ZNF341: variants seen among roughly 807,000 people sequenced by gnomAD.
ZNF341 encodes zinc finger protein 341.
In ZNF341, 52 loss-of-function variants were observed where a neutral mutation model predicts 87.7. That is an observed-to-expected ratio of 0.59 (90% CI 0.47 to 0.75). The LOEUF (loss-of-function observed/expected upper bound fraction) is 0.75. Among genes scored for constraint, ZNF341 ranks in the 30% least tolerant of loss-of-function variants. The pLI is 0.00. For synonymous variants in ZNF341, 459 were observed against 472.7 expected (o/e 0.97, Z 0.38); for missense variants, 977 against 1,145.9 (o/e 0.85, Z 2.13).
intron 5 of ZNF341, among the ~76,000 whole-genome samples, chr20:33,753,853 A>G (rs2019113804): frequency 6.6e-6 from 1 of 152,190 alleles, no homozygotes; most frequent in Non-Finnish European, 1.5e-5. Flanking sequence ...GCATATACCA[A>G]AAGTGTTTAT....
chr20:33,775,670 G>C (rs1009388977), intron 10 of ZNF341, among the ~76,000 whole-genome samples: 27 of 152,002 alleles, frequency 1.8e-4, no homozygotes, highest in African/African-American at 6.5e-4. Context: ...AGTGTTCTTT[G>C]TAAACCTCTT....
At chr20:33,737,077 G>C (rs1178232683) in intron 1 of ZNF341, among the ~76,000 whole-genome samples, 1 of 152,212 alleles carries the variant, frequency 6.6e-6, no homozygotes, top group Non-Finnish European at 1.5e-5. Context: ...GGGAGTGGCA[G>C]GTGCTGCCAG....
intron 11 of ZNF341, among the ~76,000 whole-genome samples, chr20:33,783,519 C>T (rs944762787): frequency 2.6e-5 from 4 of 152,086 alleles, no homozygotes; most frequent in Admixed American, 6.6e-5. Flanking sequence ...GAAGAACATC[C>T]GGGCAAAAGC....
intron 12 of ZNF341, 23 bp downstream of exon 12, chr20:33,783,887 C>G (rs776994279): frequency 1.9e-6 from 3 of 1,606,362 alleles, no homozygotes; most frequent in Non-Finnish European, 2.6e-6. Context: ...CCCCTGAGAA[C>G]TCCAGCCCAG....
At chr20:33,751,634 T>G (rs1226381031) in intron 4 of ZNF341, among the ~76,000 whole-genome samples, 1 of 152,070 alleles carries the variant, frequency 6.6e-6, no homozygotes, top group Non-Finnish European at 1.5e-5. Flanking sequence ...AGTGCAGTGG[T>G]GCAATTTCGG....
intron 10 of ZNF341, among the ~76,000 whole-genome samples, chr20:33,774,543 A>G (rs2019593389): frequency 6.6e-6 from 1 of 152,220 alleles, no homozygotes; most frequent in South Asian, 2.1e-4. Flanking sequence ...GAGTCAGGTG[A>G]TGCCAAATAG....
chr20:33,752,863 G>T (rs992000755), intron 4 of ZNF341, among the ~76,000 whole-genome samples: 11 of 151,810 alleles, frequency 7.2e-5, no homozygotes, highest in Admixed American at 3.9e-4. Flanking sequence ...ATTAGCCAAG[G>T]TTGTCTCGAT....
chr20:33,789,239 C>T (rs374529829), intron 13 of ZNF341, among the ~76,000 whole-genome samples: 6 of 152,116 alleles, frequency 3.9e-5, no homozygotes, highest in Non-Finnish European at 7.4e-5. Context: ...GATGGAGTTT[C>T]GCCATGTTGC....
Position 33,791,314 on chromosome 20 carries a change from G to T in ZNF341, c.2362G>T (p.Val788Phe). Residue 788 changes from valine (V) to phenylalanine (F), a missense_variant, in exon 15 of 15, where the codon GTC becomes TTC. Physicochemically the swap from Val to Phe is conservative, Grantham distance 50. This residue lies in a region of ZNF341 where 221 missense variants were observed against 212.7 expected (regional missense o/e 1.04). Coordinates refer to ENST00000375200, the MANE Select transcript of ZNF341 (RefSeq NM_001282933.2). ...AGGGGCTGGGCTGGTGCCCGAGGCT[G>T]TCCCCGGCAAGCCGCCCTTCGCAGA... ...DTGAGLVPEA[V>F]PGKPPFAEPD... The T allele has an allele frequency of 6.2e-7, 1 of 1,611,618 alleles. No homozygotes were observed. Among genetic ancestry groups the T allele is most frequent in the Non-Finnish European group, 8.5e-7 (1 of 1,179,468 alleles).
intron 13 of ZNF341, 106 bp from the exon 14 acceptor site, chr20:33,789,412 C>G: frequency 8.4e-7 from 1 of 1,193,220 alleles, no homozygotes; most frequent in Non-Finnish European, 1.2e-6. Context: ...CTTGCCCAGC[C>G]CTTAGGGTGG....
intron 9 of ZNF341, among the ~76,000 whole-genome samples, chr20:33,769,063 C>T (rs1237491079): frequency 6.6e-6 from 1 of 152,108 alleles, no homozygotes; most frequent in African/African-American, 2.4e-5. Context: ...TGCAAGACAA[C>T]AAAACCTGTG....
rs1310131535 is a variant in ZNF341 at position 33,732,732 on chromosome 20, G to A, written c.31+680G>A. On this transcript the variant is annotated intron_variant, in intron 1 of 14. Coordinates refer to ENST00000375200, the MANE Select transcript of ZNF341 (RefSeq NM_001282933.2). This position sits in a 1 kb window ranked among gnomAD's most constrained non-coding sequence, Gnocchi z 4.5. ...AGACCCAGGCCAGCAAACGCTGGGT[G>A]CCGACAGACTGTTCCGTGCTCTGCA... Among the ~76,000 whole-genome samples the A allele has an allele frequency of 6.6e-6, 1 of 152,238 alleles. No individual in the cohort carries two copies. The highest frequency in any genetic ancestry group is 2.4e-5 in the African/African-American group (1 of 41,454).
Position 33,791,389 on chromosome 20 carries a change from A to C in ZNF341, c.2437A>C (p.Thr813Pro), listed in dbSNP as rs17090763. 16,644 of 1,612,614 alleles carry C rather than the reference A, an allele frequency of 0.01. 1,333 individuals are homozygous for C. The African/African-American group carries it at 0.18, about 18-fold the overall frequency. The change falls in exon 15 of 15, where the codon ACT becomes CCT. Residue 813 changes from threonine to proline, a missense_variant. By Grantham distance (38) the Thr-to-Pro change is conservative. This residue lies in a region of ZNF341 where 221 missense variants were observed against 212.7 expected (regional missense o/e 1.04). Coordinates refer to ENST00000375200, the MANE Select transcript of ZNF341 (RefSeq NM_001282933.2). Reference protein sequence around the residue: ...IVVGGAVGAETELVVPGHAEG... With the variant: ...IVVGGAVGAEPELVVPGHAEG... ...TGTGGGTGGTGCGGTGGGCGCGGAA[A>C]CTGAGCTGGTGGTACCTGGACACGC... is the stretch of plus-strand genomic sequence containing the variant.
chr20:33,791,648 T>A lies in ZNF341; in HGVS notation c.*131T>A. The A allele has an allele frequency of 1.8e-6, 2 of 1,090,096 alleles. No individual in the cohort carries two copies. Among genetic ancestry groups the A allele is most frequent in the Non-Finnish European group, 2.5e-6 (2 of 792,576 alleles). The allele number at this position is 1,090,096 out of a possible 1,614,324, so 67.5% of individuals were successfully genotyped here. On this transcript the variant is annotated 3_prime_UTR_variant, in exon 15 of 15. Transcript: ENST00000375200. ...CCATTGGCAGAAATCCTGCTGAATG[T>A]CATTCAGAAACCTCAGCCCATGGTC...
At chr20:33,790,944 G>A (rs754461474) in intron 14 of ZNF341, 44 bp from the exon 15 acceptor site, 1 of 1,572,360 alleles carries the variant, frequency 6.4e-7, no homozygotes, top group Non-Finnish European at 8.6e-7. Context: ...CTGTTGCGGG[G>A]TGAAGGTCTG....
Position 33,781,400 on chromosome 20 carries a change from G to A in ZNF341, c.1719+13G>A. 1 of 1,612,892 alleles carries A rather than the reference G, an allele frequency of 6.2e-7. No homozygotes were observed. The highest frequency in any genetic ancestry group is 1.3e-5 in the African/African-American group (1 of 75,014). Reference sequence around the variant, plus strand: ...ACACTGCCAGAAGGTGGGTGCCACTGTCCTCTTTTCTGGGGCCTAGGCTAT... The same window carrying A: ...ACACTGCCAGAAGGTGGGTGCCACTATCCTCTTTTCTGGGGCCTAGGCTAT... On this transcript the variant is annotated intron_variant, in intron 11 of 14. Coordinates refer to ENST00000375200, the MANE Select transcript of ZNF341 (RefSeq NM_001282933.2).
intron 12 of ZNF341, among the ~76,000 whole-genome samples, 196 bp downstream of exon 12, chr20:33,784,060 C>G: frequency 7.6e-6 from 1 of 131,702 alleles, no homozygotes; most frequent in South Asian, 2.8e-4. Flanking sequence ...CCGTCTCCCT[C>G]CTCCTCCCCA....
chr20:33,781,521 C>A, intron 11 of ZNF341, 134 bp downstream of exon 11: 1 of 717,176 alleles, frequency 1.4e-6, no homozygotes, highest in Non-Finnish European at 2.4e-6. Context: ...GGCTGCTCCA[C>A]AGATGACACA....
chr20:33,768,770 G>T (rs1026978412), intron 9 of ZNF341, among the ~76,000 whole-genome samples: 3 of 152,002 alleles, frequency 2.0e-5, no homozygotes, highest in Admixed American at 2.0e-4. Flanking sequence ...AGCAAATCAG[G>T]GTTCACTTTT....
Sources: allele counts gnomAD v4.1 joint callset (sites outside exome capture counted in the v4.1 genomes callset), GRCh38; gene constraint gnomAD v4.1.1; regional missense constraint gnomAD v4.1.1; non-coding constraint Gnocchi (gnomAD v3.1); transcripts MANE v1.5; gene names NCBI Gene and HGNC (gene_info 2026-07-23, HGNC 2026-07-21).